LRRC4C: variants seen among roughly 807,000 people sequenced by gnomAD.
LRRC4C encodes the protein leucine-rich repeat-containing protein 4C.
LRRC4C carries 5 observed loss-of-function variants against 33.6 expected under a neutral mutation model. That is an observed-to-expected ratio of 0.15 (90% CI 0.08 to 0.31). The LOEUF (loss-of-function observed/expected upper bound fraction) is 0.31. Among genes scored for constraint, LRRC4C ranks in the 10% least tolerant of loss-of-function variants. The pLI is 1.00. For synonymous variants in LRRC4C, 329 were observed against 302.0 expected (o/e 1.09, Z -0.93); for missense variants, 560 against 796.7 (o/e 0.70, Z 3.58).
chr11:41,056,593 T>C (rs375570315), intron 1 of LRRC4C, among the ~76,000 whole-genome samples: 1 of 151,998 alleles, frequency 6.6e-6, no homozygotes, highest in Non-Finnish European at 1.5e-5. Context: ...CATTTAAAAG[T>C]GGGCAAAGAC....
chr11:40,358,419 T>C (rs891201217), intron 3 of LRRC4C, among the ~76,000 whole-genome samples: 3 of 152,060 alleles, frequency 2.0e-5, no homozygotes, highest in Non-Finnish European at 4.4e-5. Context: ...TAGCTGGGAC[T>C]GCAGGTGCAT....
At chr11:41,059,001 C>G (rs553055920) in intron 1 of LRRC4C, among the ~76,000 whole-genome samples, 1 of 151,966 alleles carries the variant, frequency 6.6e-6, no homozygotes, top group Non-Finnish European at 1.5e-5. Flanking sequence ...AGAAGCTAAA[C>G]AATGAGTGCA....
chr11:41,458,908 C>G (rs1296988684), intron 1 of LRRC4C, among the ~76,000 whole-genome samples: 4 of 151,956 alleles, frequency 2.6e-5, no homozygotes, highest in African/African-American at 9.7e-5. Context: ...TTTCTGTATT[C>G]CACGCATTCG....
intron 6 of LRRC4C, among the ~76,000 whole-genome samples, chr11:40,121,673 C>T (rs1287456832): frequency 1.3e-5 from 2 of 152,190 alleles, no homozygotes; most frequent in African/African-American, 4.8e-5. Flanking sequence ...ACTACCCATG[C>T]TTTAGTGCAC....
chr11:41,128,413 G>T (rs2135817496), intron 1 of LRRC4C, among the ~76,000 whole-genome samples: 1 of 152,208 alleles, frequency 6.6e-6, no homozygotes, highest in Middle Eastern at 3.4e-3. Flanking sequence ...TTAGCTATGT[G>T]AAAAGAGATC....
chr11:41,381,482 C>G (rs1436923534), intron 1 of LRRC4C, among the ~76,000 whole-genome samples: 1 of 151,806 alleles, frequency 6.6e-6, no homozygotes, highest in Non-Finnish European at 1.5e-5. Context: ...AAAAAATAAG[C>G]TGGGCATGGT....
Position 41,229,920 on chromosome 11 carries a change from T to A in LRRC4C, c.-496+229511A>T, listed in dbSNP as rs369603449. Among the ~76,000 whole-genome samples the A allele has an allele frequency of 3.3e-4, 50 of 152,256 alleles. 1 individual carries two copies. The East Asian group carries it at 9.3e-3, about 28-fold the overall frequency. On this transcript the variant is annotated intron_variant, in intron 1 of 6. Coordinates refer to ENST00000528697, the MANE Select transcript of LRRC4C (RefSeq NM_001258419.2). Reference sequence around the variant, plus strand: ...TCTTGTTTTTTACCATGTACAAGCATTTCTAAAATATTTCTTTCATAATTT... The same window carrying A: ...TCTTGTTTTTTACCATGTACAAGCAATTCTAAAATATTTCTTTCATAATTT...
At chr11:40,854,526 T>C (rs1187441411) in intron 2 of LRRC4C, among the ~76,000 whole-genome samples, 1 of 152,182 alleles carries the variant, frequency 6.6e-6, no homozygotes, top group Non-Finnish European at 1.5e-5. Flanking sequence ...TATATCCTTC[T>C]TAATTTTCCA....
intron 1 of LRRC4C, among the ~76,000 whole-genome samples, chr11:41,294,277 A>C (rs867466746): frequency 1.6e-4 from 25 of 152,234 alleles, no homozygotes; most frequent in African/African-American, 5.3e-4. Context: ...AGGAAGAAAC[A>C]AAGAACTCTG....
chr11:41,101,621 A>G (rs758839459), intron 1 of LRRC4C, among the ~76,000 whole-genome samples: 48 of 152,316 alleles, frequency 3.2e-4, no homozygotes, highest in Non-Finnish European at 5.7e-4. Context: ...CAGAACTACT[A>G]TTCCACCCAG....
chr11:40,491,801 C>T (rs776861952), intron 3 of LRRC4C, among the ~76,000 whole-genome samples: 1 of 152,002 alleles, frequency 6.6e-6, no homozygotes, highest in African/African-American at 2.4e-5. Context: ...ATAGTATATC[C>T]TCTCATGAGT....
chr11:41,320,477 T>A (rs1183775426), intron 1 of LRRC4C, among the ~76,000 whole-genome samples: 1 of 152,228 alleles, frequency 6.6e-6, no homozygotes, highest in African/African-American at 2.4e-5. Flanking sequence ...TAAATAGATG[T>A]CTATGGTGCA....
At chr11:40,387,823 C>T (rs1329138050) in intron 3 of LRRC4C, among the ~76,000 whole-genome samples, 1 of 152,148 alleles carries the variant, frequency 6.6e-6, no homozygotes, top group African/African-American at 2.4e-5. Flanking sequence ...TCTTTGAATG[C>T]TGACCTTCAA....
chr11:41,370,547 T>G (rs1304039869), intron 1 of LRRC4C, among the ~76,000 whole-genome samples: 1 of 152,080 alleles, frequency 6.6e-6, no homozygotes, highest in African/African-American at 2.4e-5. Context: ...TCTTCCTCAT[T>G]TTCTCTTGCC....
chr11:40,173,247 T>C (rs1028838079), intron 5 of LRRC4C, among the ~76,000 whole-genome samples: 1 of 152,170 alleles, frequency 6.6e-6, no homozygotes. Flanking sequence ...AAGAAATTAA[T>C]GCTATGTTTT....
chr11:41,350,293 G>T (rs1038958460), intron 1 of LRRC4C, among the ~76,000 whole-genome samples: 1 of 152,066 alleles, frequency 6.6e-6, no homozygotes, highest in Non-Finnish European at 1.5e-5. Flanking sequence ...GGCGGATCAT[G>T]AGGTCAGGAG....
At chr11:41,251,171 A>G (rs1158952472) in intron 1 of LRRC4C, among the ~76,000 whole-genome samples, 1 of 152,222 alleles carries the variant, frequency 6.6e-6, no homozygotes, top group Non-Finnish European at 1.5e-5. Context: ...CAGATTTGAC[A>G]TATCACCACC....
At chr11:40,871,413 A>G (rs1462841857) in intron 2 of LRRC4C, among the ~76,000 whole-genome samples, 1 of 152,042 alleles carries the variant, frequency 6.6e-6, no homozygotes, top group Non-Finnish European at 1.5e-5. Flanking sequence ...CCGGACACCC[A>G]GCTGTAAAAT....
intron 3 of LRRC4C, among the ~76,000 whole-genome samples, chr11:40,507,307 A>T (rs1955080590): frequency 6.6e-6 from 1 of 152,176 alleles, no homozygotes; most frequent in Non-Finnish European, 1.5e-5. Flanking sequence ...AAGTCTAAAA[A>T]TTCAATAGAA....
Sources: allele counts gnomAD v4.1 joint callset (sites outside exome capture counted in the v4.1 genomes callset), GRCh38; gene constraint gnomAD v4.1.1; transcripts MANE v1.5; gene names NCBI Gene and HGNC (gene_info 2026-07-23, HGNC 2026-07-21).